CELF2: variants seen among roughly 807,000 people sequenced by gnomAD.
The protein encoded by CELF2 is CUGBP Elav-like family member 2.
In CELF2, 8 loss-of-function variants were observed where a neutral mutation model predicts 62.6. That is an observed-to-expected ratio of 0.13 (90% CI 0.07 to 0.23). CELF2 has a LOEUF of 0.23. Ranked by LOEUF, CELF2 falls within the 10% of genes least tolerant of loss-of-function variation. The pLI, the probability that CELF2 is intolerant of heterozygous loss-of-function variation, is 1.00. For synonymous variants in CELF2, 258 were observed against 250.0 expected (o/e 1.03, Z -0.30); for missense variants, 333 against 671.0 (o/e 0.50, Z 5.56).
chr10:11,110,930 A>C lies in CELF2; in HGVS notation c.75-54556A>C, dbSNP rs968376315. Among the ~76,000 whole-genome samples the C allele has an allele frequency of 6.6e-6, 1 of 152,116 alleles. No individual in the cohort carries two copies. Among genetic ancestry groups the C allele is most frequent in the Non-Finnish European group, 1.5e-5 (1 of 68,014 alleles). On this transcript the variant is annotated intron_variant, in intron 1 of 12. Coordinates refer to ENST00000633077, the MANE Select transcript of CELF2 (RefSeq NM_001326342.2). This position sits in a 1 kb window ranked among gnomAD's most constrained non-coding sequence, Gnocchi z 4.0. Reference sequence around the variant, plus strand: ...TGAGCATTTTATTGAATTCTTTCAAAACTGGAATTACAGAACGTCCAGCAA... The same window carrying C: ...TGAGCATTTTATTGAATTCTTTCAACACTGGAATTACAGAACGTCCAGCAA...
the CELF2 span, among the ~76,000 whole-genome samples, chr10:10,585,058 G>A: frequency 3.9e-5 from 6 of 152,118 alleles, no homozygotes; most frequent in Non-Finnish European, 8.8e-5. Flanking sequence ...GGATCTTGGA[G>A]GTCATCTAGT....
chr10:10,653,943 A>C, the CELF2 span, among the ~76,000 whole-genome samples: 1 of 151,984 alleles, frequency 6.6e-6, no homozygotes, highest in African/African-American at 2.4e-5. Flanking sequence ...GTTTTTTGAA[A>C]GGATCAACAA....
At chr10:10,578,874 T>C in the CELF2 span, among the ~76,000 whole-genome samples, 2 of 152,204 alleles carry the variant, frequency 1.3e-5, no homozygotes, top group East Asian at 3.9e-4. Flanking sequence ...CAATGCTTGA[T>C]ACACTTTAGG....
the CELF2 span, among the ~76,000 whole-genome samples, chr10:10,659,907 G>A: frequency 6.6e-6 from 1 of 152,192 alleles, no homozygotes; most frequent in Admixed American, 6.5e-5. Flanking sequence ...TGCCCTCAAG[G>A]TGATCACAGG....
chr10:10,832,840 T>C (rs4565798), intron 1 of CELF2, among the ~76,000 whole-genome samples: 82,262 of 151,982 alleles, frequency 0.54, 22,881 homozygotes, highest in East Asian at 0.76. Flanking sequence ...GAAGATAAAA[T>C]GCAAAATTGG....
intron 1 of CELF2, among the ~76,000 whole-genome samples, chr10:11,093,617 C>T (rs1253194092): frequency 6.6e-6 from 1 of 152,156 alleles, no homozygotes; most frequent in Admixed American, 6.5e-5. Flanking sequence ...AAGCTTTAAA[C>T]AAACTTGATA....
chr10:10,683,926 TCTC>T, the CELF2 span, among the ~76,000 whole-genome samples: 6 of 152,242 alleles, frequency 3.9e-5, no homozygotes, highest in African/African-American at 1.4e-4. Context: ...GATTTTCTAT[TCTC>T]CTTTTTCCTC....
chr10:11,192,141 T>G (rs375141974), intron 2 of CELF2, among the ~76,000 whole-genome samples: 2 of 152,166 alleles, frequency 1.3e-5, no homozygotes, highest in African/African-American at 4.8e-5. Flanking sequence ...CTTGTGAGAT[T>G]CATACCTACT....
At chr10:11,032,188 C>T (rs1464419606) in intron 1 of CELF2, among the ~76,000 whole-genome samples, 1 of 139,058 alleles carries the variant, frequency 7.2e-6, no homozygotes, top group East Asian at 2.0e-4. Flanking sequence ...CCAGGGGCCA[C>T]CCACTACATC....
intron 2 of CELF2, among the ~76,000 whole-genome samples, chr10:10,998,663 C>T (rs934486725): frequency 2.0e-5 from 3 of 152,018 alleles, no homozygotes; most frequent in African/African-American, 7.2e-5. Context: ...CGCAGGCTGA[C>T]CCGGGAAGAA....
At chr10:10,612,057 T>A in the CELF2 span, among the ~76,000 whole-genome samples, 1 of 152,174 alleles carries the variant, frequency 6.6e-6, no homozygotes, top group African/African-American at 2.4e-5. Context: ...CACAATCATT[T>A]GGCAAAAGGA....
rs2068801148 is a variant in CELF2, at chr10:11,068,607, C to T, written c.74+50444C>T. ...ACGGAGTCTTGCTCTGTCGCCCAGG[C>T]TGGAGTGCAGTGGCCCGATCTTGGC... On this transcript the variant is annotated intron_variant, in intron 1 of 12. Transcript: ENST00000633077. Among the ~76,000 whole-genome samples the T allele has an allele frequency of 2.0e-5, 3 of 151,558 alleles. No individual in the cohort carries two copies. In the South Asian group the frequency reaches 6.2e-4, roughly 31 times the overall value.
intron 1 of CELF2, among the ~76,000 whole-genome samples, chr10:10,808,559 A>G (rs931732742): frequency 3.3e-5 from 5 of 152,190 alleles, no homozygotes; most frequent in African/African-American, 1.2e-4. Flanking sequence ...TACTTGACAA[A>G]ATAGGATCAC....
At chr10:10,987,800 G>T (rs2052951495) in intron 2 of CELF2, among the ~76,000 whole-genome samples, 1 of 151,956 alleles carries the variant, frequency 6.6e-6, no homozygotes, top group African/African-American at 2.4e-5. Context: ...AGTAGGCAAA[G>T]AACATGAATA....
intron 1 of CELF2, among the ~76,000 whole-genome samples, chr10:10,826,517 C>G (rs1481576331): frequency 1.3e-5 from 2 of 152,134 alleles, no homozygotes; most frequent in Admixed American, 1.3e-4. Context: ...TAAAAAAAAT[C>G]ACTTGTCATT....
chr10:11,019,527 T>C (rs761042555), intron 1 of CELF2, among the ~76,000 whole-genome samples: 7 of 152,154 alleles, frequency 4.6e-5, no homozygotes, highest in African/African-American at 1.2e-4. Flanking sequence ...TTAAGTGTTA[T>C]GAGTTAAGAG....
chr10:11,089,525 A>G (rs940812512), intron 1 of CELF2, among the ~76,000 whole-genome samples: 1 of 152,200 alleles, frequency 6.6e-6, no homozygotes, highest in East Asian at 1.9e-4. Flanking sequence ...ACTGAGGAGA[A>G]TATGAGCCAC....
rs1439253920 is a variant in CELF2 at position 11,316,794 on chromosome 10, G to A, written c.1096+2536G>A. 1 of 152,106 alleles carries A rather than the reference G, an allele frequency of 6.6e-6. No individual in the cohort carries two copies. The highest frequency in any genetic ancestry group is 2.4e-5 in the African/African-American group (1 of 41,430). 9.4% of individuals were successfully genotyped at this position (152,106 alleles called of 1,614,324 possible). A position where few individuals can be genotyped will look rare whatever the true frequency, so the allele number is the denominator to read the frequency against. ...GAGCCCAGCACCTCTCCCAAAAAAC[G>A]AAGTTTTTGGTCAGTAGACAAGTAG... On this transcript the variant is annotated intron_variant, in intron 10 of 12. Coordinates refer to ENST00000633077, the MANE Select transcript of CELF2 (RefSeq NM_001326342.2). The surrounding 1 kb of genome is among the most constrained non-coding windows in gnomAD (Gnocchi z 4.4).
At chr10:11,203,158 C>T (rs1055144496) in intron 2 of CELF2, among the ~76,000 whole-genome samples, 11 of 152,126 alleles carry the variant, frequency 7.2e-5, no homozygotes, top group Non-Finnish European at 1.6e-4. Flanking sequence ...TCAAATACTA[C>T]TCTAGCGTGC....
Sources: gnomAD v4.1 joint callset for allele counts (sites outside exome capture counted in the v4.1 genomes callset) on GRCh38, gnomAD v4.1.1 for gene constraint, Gnocchi (gnomAD v3.1) non-coding constraint, MANE v1.5 for transcripts, NCBI Gene and HGNC (gene_info 2026-07-23, HGNC 2026-07-21) for gene names.